The following WDR64 variants were observed in gnomAD, a reference collection of about 807,000 sequenced individuals.
WDR64 encodes WD repeat-containing protein 64.
Under a neutral mutation model 139.3 loss-of-function variants are expected in WDR64, and 112 were observed. The observed-to-expected ratio is 0.80, with a 90% CI of 0.69 to 0.94. WDR64 has a LOEUF of 0.94. Among genes scored for constraint, WDR64 ranks in the 40% least tolerant of loss-of-function variants. WDR64 has a pLI of 0.00. For synonymous variants in WDR64, 444 were observed against 437.7 expected (o/e 1.01, Z -0.18); for missense variants, 1,206 against 1,293.1 (o/e 0.93, Z 1.03).
At chr1:241,774,707 T>A (rs1039786983) in intron 20 of WDR64, among the ~76,000 whole-genome samples, 1 of 151,856 alleles carries the variant, frequency 6.6e-6, no homozygotes, top group African/African-American at 2.4e-5. Context: ...CTGAAAAAAA[T>A]GTTTGTTTAA....
Position 241,749,540 on chromosome 1 carries a change from T to C in WDR64, c.1595-7T>C. On this transcript the variant is annotated splice_region_variant and splice_polypyrimidine_tract_variant and intron_variant, in intron 13 of 27. Coordinates refer to ENST00000437684, the MANE Select transcript of WDR64 (RefSeq NM_001367482.1). ...TACCCACATAGTCTTTTTCTCTGTA[T>C]GCTCAGGAACAGTCAGAATCTGGGA... 3 of 1,612,370 alleles carry C rather than the reference T, an allele frequency of 1.9e-6. No individual in the cohort carries two copies. Among genetic ancestry groups the C allele is most frequent in the Non-Finnish European group, 8.5e-7 (1 of 1,179,276 alleles).
At position 241,787,136 on chromosome 1, in the gene WDR64, C is replaced by T. The variant is rs189462330; in HGVS notation, c.2706-713C>T. On this transcript the variant is annotated intron_variant, in intron 23 of 27. Coordinates refer to ENST00000437684, the MANE Select transcript of WDR64 (RefSeq NM_001367482.1). Reference sequence around the variant, plus strand: ...TTGGGAGCCCGAGGCGGGTGGATCACGAGGTCAGGAGATTGAGACCATCCT... The same window carrying T: ...TTGGGAGCCCGAGGCGGGTGGATCATGAGGTCAGGAGATTGAGACCATCCT... Among the ~76,000 whole-genome samples the T allele has an allele frequency of 4.8e-3, 722 of 150,756 alleles. 8 individuals are homozygous for T. The highest frequency in any genetic ancestry group is 0.017 in the African/African-American group (684 of 40,976).
intron 7 of WDR64, among the ~76,000 whole-genome samples, chr1:241,685,281 T>C (rs943680548): frequency 1.3e-5 from 2 of 151,654 alleles, no homozygotes; most frequent in African/African-American, 2.4e-5. Flanking sequence ...CATGCACCCA[T>C]TTAATTGTTT....
intron 16 of WDR64, 90 bp from the exon 17 acceptor site, chr1:241,769,314 T>C: frequency 1.0e-6 from 1 of 955,790 alleles, no homozygotes; most frequent in Middle Eastern, 2.2e-4. Context: ...TTTGAGGAAT[T>C]GCCTAGCTCT....
chr1:241,708,474 T>C (rs1355457630), intron 8 of WDR64, among the ~76,000 whole-genome samples: 2 of 152,074 alleles, frequency 1.3e-5, no homozygotes, highest in Non-Finnish European at 2.9e-5. Context: ...CCACCATGCC[T>C]GGCTAATTTT....
intron 8 of WDR64, among the ~76,000 whole-genome samples, chr1:241,711,099 T>G (rs1347520644): frequency 6.6e-6 from 1 of 152,120 alleles, no homozygotes; most frequent in Non-Finnish European, 1.5e-5. Context: ...TACCTGGGTG[T>G]GGTGGCACAT....
intron 21 of WDR64, among the ~76,000 whole-genome samples, chr1:241,779,410 A>C (rs1658768727): frequency 6.6e-6 from 1 of 152,214 alleles, no homozygotes; most frequent in Non-Finnish European, 1.5e-5. Flanking sequence ...TCTCTGTAAG[A>C]GTTTGGACTC....
chr1:241,802,242 T>C lies in WDR64; in HGVS notation c.*1027T>C, dbSNP rs1659547890. ...AGGGAATAAAATGCTAATGCATGCATTAACATAGACCAATCTCAAGAATAT... is the reference window on the plus strand; with the variant it reads ...AGGGAATAAAATGCTAATGCATGCACTAACATAGACCAATCTCAAGAATAT... On this transcript the variant is annotated 3_prime_UTR_variant, in exon 28 of 28. Coordinates refer to ENST00000437684, the MANE Select transcript of WDR64 (RefSeq NM_001367482.1). 1 of 398,108 alleles carries C rather than the reference T, an allele frequency of 2.5e-6. No individual in the cohort carries two copies. The highest frequency in any genetic ancestry group is 3.6e-5 in the East Asian group (1 of 27,968). 24.7% of individuals were successfully genotyped at this position (398,108 alleles called of 1,614,324 possible).
chr1:241,660,828 T>G (rs943438185), intron 2 of WDR64, 168 bp downstream of exon 2: 30 of 686,200 alleles, frequency 4.4e-5, no homozygotes, highest in Non-Finnish European at 6.5e-5. Flanking sequence ...CAAATGAAAG[T>G]GGGTAAAGTA....
intron 3 of WDR64, among the ~76,000 whole-genome samples, chr1:241,671,779 G>A (rs1036175237): frequency 2.0e-5 from 3 of 152,238 alleles, no homozygotes; most frequent in African/African-American, 4.8e-5. Context: ...CATGGTGGGA[G>A]GAGGTCAGGA....
rs144053142 is a variant in WDR64, at chr1:241,738,222, G to T, written c.1195-141G>T. 4.2e-4 allele frequency: 443 copies of T among 1,059,886 alleles called. 5 individuals carry two copies. In the East Asian group the frequency reaches 0.012, roughly 28 times the overall value. The allele number at this position is 1,059,886 out of a possible 1,614,324, so 65.7% of individuals were successfully genotyped here. ...CAACCCAGAACTAAATTGGAGCTTA[G>T]CAAATGCATGCTTATCATATAAGTA... On this transcript the variant is annotated intron_variant, in intron 10 of 27. Coordinates refer to ENST00000437684, the MANE Select transcript of WDR64 (RefSeq NM_001367482.1).
At chr1:241,759,344 A>AT (rs1241512417) in intron 15 of WDR64, among the ~76,000 whole-genome samples, 2 of 152,180 alleles carry the variant, frequency 1.3e-5, no homozygotes, top group Admixed American at 1.3e-4. Flanking sequence ...AGTTTGCTTC[A>AT]TTTTTAAAAT....
At chr1:241,753,776 T>A (rs1300513534) in intron 14 of WDR64, among the ~76,000 whole-genome samples, 8 of 151,882 alleles carry the variant, frequency 5.3e-5, no homozygotes, top group African/African-American at 1.9e-4. Flanking sequence ...CAAACAAAAG[T>A]ATAAGGTACC....
intron 9 of WDR64, among the ~76,000 whole-genome samples, chr1:241,722,864 T>C (rs936005149): frequency 1.3e-5 from 2 of 152,146 alleles, no homozygotes; most frequent in Non-Finnish European, 2.9e-5. Context: ...AGTTGATTTG[T>C]TATAATGGTG....
intron 4 of WDR64, among the ~76,000 whole-genome samples, chr1:241,675,347 T>G (rs2148087362): frequency 6.7e-6 from 1 of 149,504 alleles, no homozygotes; most frequent in Non-Finnish European, 1.5e-5. Context: ...TGTCTCTGCA[T>G]TATGCATATG....
intron 1 of WDR64, among the ~76,000 whole-genome samples, chr1:241,655,378 G>C (rs1665546169): frequency 6.6e-6 from 1 of 152,126 alleles, no homozygotes; most frequent in East Asian, 1.9e-4. Flanking sequence ...TACAGAGAGA[G>C]ACTCTGTCCC....
intron 14 of WDR64, among the ~76,000 whole-genome samples, chr1:241,753,959 A>G (rs61825853): frequency 0.067 from 10,220 of 152,224 alleles, 365 homozygotes; most frequent in South Asian, 0.13. Flanking sequence ...AACAAAGTGA[A>G]AAGACAAGTC....
chr1:241,735,531 C>CCCTTTTTTTT lies in WDR64; in HGVS notation c.1195-2832_1195-2831insCCTTTTTTTT, dbSNP rs1296893731. On this transcript the variant is annotated intron_variant, in intron 10 of 27. Coordinates refer to ENST00000437684, the MANE Select transcript of WDR64 (RefSeq NM_001367482.1). Reference sequence around the variant, plus strand: ...TAGTTCTCTGTCTCTCTCTCTCTCTCTCTTTTTTTTTTTTTTTTTTTGATA... The same window carrying CCCTTTTTTTT: ...TAGTTCTCTGTCTCTCTCTCTCTCTCCCTTTTTTTTTCTTTTTTTTTTTTTTTTTTTGATA... 3.8e-4 allele frequency among the ~76,000 whole-genome samples: 37 copies of CCCTTTTTTTT among 96,810 alleles called. 2 individuals carry two copies. Among genetic ancestry groups the CCCTTTTTTTT allele is most frequent in the African/African-American group, 1.4e-3 (35 of 24,416 alleles). The allele number at this position is 96,810 out of a possible 152,430, so 63.5% of individuals were successfully genotyped here.
rs567766271 is a variant in WDR64, at chr1:241,802,666, T to C, written c.*1451T>C. ...CAAAAAAATAAGATGAACTAATGGA[T>C]AGAGGGATGGACTGATAGATGGATA... On this transcript the variant is annotated 3_prime_UTR_variant, in exon 28 of 28. Transcript: ENST00000437684. Among the ~76,000 whole-genome samples, 2 of 152,278 alleles carry C rather than the reference T, an allele frequency of 1.3e-5. No homozygotes were observed. Among genetic ancestry groups the C allele is most frequent in the African/African-American group, 2.4e-5 (1 of 41,566 alleles).
Sources: gnomAD v4.1 joint callset for allele counts (sites outside exome capture counted in the v4.1 genomes callset) on GRCh38, gnomAD v4.1.1 for gene constraint, MANE v1.5 for transcripts, NCBI Gene and HGNC (gene_info 2026-07-23, HGNC 2026-07-21) for gene names.